The following ENGASE variants were observed in gnomAD, a reference collection of about 807,000 sequenced individuals.
ENGASE encodes endo-beta-N-acetylglucosaminidase.
In ENGASE, 69 loss-of-function variants were observed where a neutral mutation model predicts 78.5. The ratio of observed to expected loss-of-function variants is 0.88; its 90% confidence interval spans 0.72 to 1.07. The LOEUF (loss-of-function observed/expected upper bound fraction) is 1.07, where lower values mean the gene tolerates loss of function less well. Ranked by LOEUF, ENGASE falls within the 50% of genes least tolerant of loss-of-function variation. The probability of loss-of-function intolerance (pLI) is 0.00; values close to 1 mark genes in which losing one functional copy is unlikely to be tolerated. For missense variants in ENGASE, 943 were observed against 988.4 expected (o/e 0.95, Z 0.62); for synonymous variants, 408 against 408.9 (o/e 1.00, Z 0.03).
chr17:79,083,806 C>G lies in ENGASE; in HGVS notation c.1297C>G (p.Gln433Glu). 1.2e-6 allele frequency: 2 copies of G among 1,612,308 alleles called. No individual in the cohort carries two copies. Among genetic ancestry groups the G allele is most frequent in the Non-Finnish European group, 1.7e-6 (2 of 1,179,420 alleles). ...PWYHLSAQEI[Q>E]PLFGEHRLGG... Reference sequence around the variant, plus strand: ...GTACCACCTGAGCGCCCAGGAGATCCAGCCCTTGTTTGGAGAACACAGGCT... The same window carrying G: ...GTACCACCTGAGCGCCCAGGAGATCGAGCCCTTGTTTGGAGAACACAGGCT... The change falls in exon 10 of 14, where the codon CAG becomes GAG. Residue 433 changes from glutamine (Q) to glutamate (E), a missense_variant. Physicochemically the swap from Gln to Glu is conservative, Grantham distance 29. Transcript: ENST00000579016. The surrounding 1 kb of genome is among the most constrained non-coding windows in gnomAD (Gnocchi z 4.9).
chr17:79,085,891 G>A (rs746542232), intron 13 of ENGASE, 42 bp from the exon 14 acceptor site: 31 of 1,573,520 alleles, frequency 2.0e-5, no homozygotes, highest in Middle Eastern at 1.9e-4. Flanking sequence ...CCCTCTCCCC[G>A]CCCCCGGGCG....
At chr17:79,085,063 A>G (rs2073253547) in intron 11 of ENGASE, among the ~76,000 whole-genome samples, 171 bp from the exon 12 acceptor site, 1 of 152,028 alleles carries the variant, frequency 6.6e-6, no homozygotes, top group Non-Finnish European at 1.5e-5. Flanking sequence ...CCAGACACGC[A>G]TTTCCTTCAC....
In ENGASE at chr17:79,083,328, C is replaced by T. The variant is rs1399261869; in HGVS notation, c.1143-154C>T. On this transcript the variant is annotated intron_variant, in intron 8 of 13. Transcript: ENST00000579016. This position sits in a 1 kb window ranked among gnomAD's most constrained non-coding sequence, Gnocchi z 4.9. ...GCCGCTTCCTGCAGACTCGTGTTTGCAGCGTATCTGTAGACGGGGAGGCTG... is the reference window on the plus strand; with the variant it reads ...GCCGCTTCCTGCAGACTCGTGTTTGTAGCGTATCTGTAGACGGGGAGGCTG... 1.4e-6 allele frequency: 1 copy of T among 700,914 alleles called. No individual in the cohort carries two copies. 43.4% of individuals were successfully genotyped at this position (700,914 alleles called of 1,614,324 possible).
rs1376972585 is a variant in ENGASE at position 79,087,829 on chromosome 17, G to C, written c.*1480G>C. 6.6e-6 allele frequency: 1 copy of C among 152,212 alleles called. No individual in the cohort carries two copies. Among genetic ancestry groups the C allele is most frequent in the Non-Finnish European group, 1.5e-5 (1 of 68,054 alleles). 9.4% of individuals were successfully genotyped at this position (152,212 alleles called of 1,614,324 possible). A position where few individuals can be genotyped will look rare whatever the true frequency, so the allele number is the denominator to read the frequency against. ...GGAGGGCAAGGCTGGGTACTCAGCAGCCACTCTGAGCCGGGGCTCCTTCCA... is the reference window on the plus strand; with the variant it reads ...GGAGGGCAAGGCTGGGTACTCAGCACCCACTCTGAGCCGGGGCTCCTTCCA... On this transcript the variant is annotated 3_prime_UTR_variant, in exon 14 of 14. Coordinates refer to ENST00000579016, the MANE Select transcript of ENGASE (RefSeq NM_001042573.3).
rs759194033 is a variant in ENGASE, at chr17:79,082,005, T to C, written c.980T>C (p.Val327Ala). ...QAGERRADVY[V>A]GVDVFARGNV... The stretch of plus-strand genomic sequence containing the variant: ...GGGGAGCGCCGGGCTGATGTGTACG[T>C]GGGCGTGGATGTGTTTGCTCGAGGG... The change falls in exon 7 of 14, where the codon GTG becomes GCG. Residue 327 changes from valine (V) to alanine (A), a missense_variant. By Grantham distance (64) the Val-to-Ala change is moderately conservative. Coordinates refer to ENST00000579016, the MANE Select transcript of ENGASE (RefSeq NM_001042573.3). 3.7e-5 allele frequency: 59 copies of C among 1,614,060 alleles called. No individual in the cohort carries two copies. Among genetic ancestry groups the C allele is most frequent in the Non-Finnish European group, 8.5e-7 (1 of 1,180,024 alleles).
At chr17:79,079,673 C>A (rs1038606505) in intron 4 of ENGASE, 36 bp downstream of exon 4, 1 of 1,595,972 alleles carries the variant, frequency 6.3e-7, no homozygotes, top group African/African-American at 1.4e-5. Flanking sequence ...GTCAGCCAGA[C>A]TCCTCAGCTC....
intron 7 of ENGASE, chr17:79,082,326 C>G (rs755517159): frequency 1.8e-5 from 25 of 1,351,638 alleles, no homozygotes; most frequent in Non-Finnish European, 2.2e-5. Flanking sequence ...GTCGTTCCCC[C>G]GCTGTCCGGT....
chr17:79,077,679 G>A lies in ENGASE; in HGVS notation c.231G>A (p.Lys77=). Residue 77 remains lysine (K), a synonymous_variant, in exon 3 of 14, where the codon AAG becomes AAA. Transcript: ENST00000579016. ...TCGGACCAGTTAGATATTATGACAA[G>A]GACACCACCAAACCAATCAGCTTTT... ...PDPLPVRYYD[K]DTTKPISFYL... is the part of the protein sequence containing the mutation. The A allele has an allele frequency of 6.2e-7, 1 of 1,614,192 alleles. No homozygotes were observed. Among genetic ancestry groups the A allele is most frequent in the Non-Finnish European group, 8.5e-7 (1 of 1,180,040 alleles).
At chr17:79,082,569 G>T (rs1041604017) in intron 7 of ENGASE, 29 of 1,230,886 alleles carry the variant, frequency 2.4e-5, no homozygotes, top group Non-Finnish European at 3.0e-5. Flanking sequence ...TGCCCCTGGC[G>T]TGGGATGCGC....
intron 3 of ENGASE, 72 bp downstream of exon 3, chr17:79,077,936 G>GGGGGGGGA: frequency 1.4e-6 from 1 of 721,532 alleles, no homozygotes; most frequent in Non-Finnish European, 2.2e-6. Context: ...GGAGGGGCGG[G>GGGGGGGGA]AGAGAGTGCC....
chr17:79,086,023 C>T lies in ENGASE; in HGVS notation c.1906C>T (p.Arg636Trp), dbSNP rs200567067. 6.8e-5 allele frequency: 109 copies of T among 1,612,476 alleles called. No homozygotes were observed. The Middle Eastern group carries it at 1.2e-3, about 17-fold the overall frequency. Residue 636 changes from arginine (R) to tryptophan (W), a missense_variant, in exon 14 of 14, where the codon CGG becomes TGG. By Grantham distance (101) the Arg-to-Trp change is moderately radical. Coordinates refer to ENST00000579016, the MANE Select transcript of ENGASE (RefSeq NM_001042573.3). ...CCGCTGGCAGCCATCCGCCTCTGAG[C>T]GGGAGGGGCCCCCTGCTCTGCTCCA... ...HIRWQPSASE[R>W]EGPPALLQLS...
At position 79,087,822 on chromosome 17, in the gene ENGASE, C is replaced by T. The variant is rs2084460082; in HGVS notation, c.*1473C>T. 6.6e-6 allele frequency: 1 copy of T among 152,212 alleles called. No individual in the cohort carries two copies. The highest frequency in any genetic ancestry group is 2.1e-4 in the South Asian group (1 of 4,832). The allele number at this position is 152,212 out of a possible 1,614,324, so 9.4% of individuals were successfully genotyped here. A position where few individuals can be genotyped will look rare whatever the true frequency, so the allele number is the denominator to read the frequency against. ...CGTCAGAGGAGGGCAAGGCTGGGTA[C>T]TCAGCAGCCACTCTGAGCCGGGGCT... is the stretch of plus-strand genomic sequence containing the variant. On this transcript the variant is annotated 3_prime_UTR_variant, in exon 14 of 14. Coordinates refer to ENST00000579016, the MANE Select transcript of ENGASE (RefSeq NM_001042573.3).
intron 3 of ENGASE, 101 bp downstream of exon 3, chr17:79,077,965 G>A: frequency 1.6e-6 from 2 of 1,245,588 alleles, no homozygotes; most frequent in South Asian, 2.9e-5. Flanking sequence ...AAAGAGCACT[G>A]GGCGGGGAGT....
In ENGASE at chr17:79,084,375, G is replaced by C. The variant is rs186549089; in HGVS notation, c.1443-163G>C. The C allele has an allele frequency of 1.4e-5, 9 of 664,196 alleles. No individual in the cohort carries two copies. In the Admixed American group the frequency reaches 2.3e-4, roughly 17 times the overall value. The allele number at this position is 664,196 out of a possible 1,614,324, so 41.1% of individuals were successfully genotyped here. Reference sequence around the variant, plus strand: ...CAGCCCACAAAAGAATCTGGCCTTGGGGGAGGACTTGTCCCCTGGCTACGG... The same window carrying C: ...CAGCCCACAAAAGAATCTGGCCTTGCGGGAGGACTTGTCCCCTGGCTACGG... On this transcript the variant is annotated intron_variant, in intron 10 of 13. Coordinates refer to ENST00000579016, the MANE Select transcript of ENGASE (RefSeq NM_001042573.3).
chr17:79,077,536 C>T, intron 2 of ENGASE, 39 bp downstream of exon 2: 3 of 1,547,012 alleles, frequency 1.9e-6, no homozygotes, highest in Non-Finnish European at 2.6e-6. Flanking sequence ...TCCACCTTCA[C>T]ACCTGGGGCT....
At chr17:79,085,408 T>C in intron 12 of ENGASE, 66 bp downstream of exon 12, 1 of 1,389,942 alleles carries the variant, frequency 7.2e-7, no homozygotes. Flanking sequence ...ACCCCAGAGC[T>C]GGAGGGATGG....
In ENGASE at chr17:79,087,657, C is replaced by G. The variant is rs2073365437; in HGVS notation, c.*1308C>G. Reference sequence around the variant, plus strand: ...ACATAGGGCCAGTGGTAGGGGTTCCCTCTATGTCGGGCAGTGCTGAGGGCT... The same window carrying G: ...ACATAGGGCCAGTGGTAGGGGTTCCGTCTATGTCGGGCAGTGCTGAGGGCT... On this transcript the variant is annotated 3_prime_UTR_variant, in exon 14 of 14. Transcript: ENST00000579016. The G allele has an allele frequency of 6.5e-6, 1 of 153,628 alleles. No homozygotes were observed. Among genetic ancestry groups the G allele is most frequent in the Non-Finnish European group, 1.5e-5 (1 of 68,932 alleles). The allele number at this position is 153,628 out of a possible 1,614,324, so 9.5% of individuals were successfully genotyped here.
At position 79,078,661 on chromosome 17, in the gene ENGASE, G is replaced by A. The variant is rs141794757; in HGVS notation, c.416+797G>A. Among the ~76,000 whole-genome samples, 117 of 152,290 alleles carry A rather than the reference G, an allele frequency of 7.7e-4. 1 individual carries two copies. Among genetic ancestry groups the A allele is most frequent in the African/African-American group, 2.6e-3 (108 of 41,558 alleles). On this transcript the variant is annotated intron_variant, in intron 3 of 13. Coordinates refer to ENST00000579016, the MANE Select transcript of ENGASE (RefSeq NM_001042573.3). Reference sequence around the variant, plus strand: ...TCCAAAGTTGCCGTGGAGTCCGCGCGGCGCTTTTAAATGTCCATAAAACAA... The same window carrying A: ...TCCAAAGTTGCCGTGGAGTCCGCGCAGCGCTTTTAAATGTCCATAAAACAA...
In ENGASE at chr17:79,083,572, G is replaced by C; in HGVS notation, c.1233G>C (p.Arg411=). 6.2e-7 allele frequency: 1 copy of C among 1,614,100 alleles called. No individual in the cohort carries two copies. The highest frequency in any genetic ancestry group is 1.7e-5 in the Admixed American group (1 of 60,022). ...CCTTCTGCCTGGGCATGGGTGCACG[G>C]AGGGTCTGCTATGGCCAGGTGGGTG... ...VTSFCLGMGA[R]RVCYGQEEAV... Residue 411 remains arginine (R), a synonymous_variant, in exon 9 of 14, where the codon CGG becomes CGC. Coordinates refer to ENST00000579016, the MANE Select transcript of ENGASE (RefSeq NM_001042573.3). This position sits in a 1 kb window ranked among gnomAD's most constrained non-coding sequence, Gnocchi z 4.9.
Sources: gnomAD v4.1 joint callset for allele counts (sites outside exome capture counted in the v4.1 genomes callset) on GRCh38, gnomAD v4.1.1 for gene constraint, Gnocchi (gnomAD v3.1) non-coding constraint, MANE v1.5 for transcripts, NCBI Gene and HGNC (gene_info 2026-07-23, HGNC 2026-07-21) for gene names.